PIAS1: variants seen among roughly 807,000 people sequenced by gnomAD.
The protein encoded by PIAS1 is protein inhibitor of activated STAT 1.
Under a neutral mutation model 71.3 loss-of-function variants are expected in PIAS1, and 6 were observed. The observed-to-expected ratio is 0.08, with a 90% confidence interval of 0.05 to 0.17. The LOEUF is 0.17. Among genes scored for constraint, PIAS1 ranks in the 10% least tolerant of loss-of-function variants. The probability of loss-of-function intolerance (pLI) is 1.00; values close to 1 mark genes in which losing one functional copy is unlikely to be tolerated. For missense variants in PIAS1, 555 were observed against 793.6 expected (o/e 0.70, Z 3.61); for synonymous variants, 303 against 292.9 (o/e 1.03, Z -0.35).
intron 2 of PIAS1, among the ~76,000 whole-genome samples, chr15:68,110,808 GA>G (rs2092517737): frequency 6.6e-6 from 1 of 152,186 alleles, no homozygotes; most frequent in Non-Finnish European, 1.5e-5. Context: ...GTTTAGTAGA[GA>G]GGGGTGTGAC....
intron 1 of PIAS1, among the ~76,000 whole-genome samples, chr15:68,070,521 C>A (rs1175593681): frequency 6.6e-6 from 1 of 152,086 alleles, no homozygotes; most frequent in Non-Finnish European, 1.5e-5. Context: ...GGTACTAAAA[C>A]TTTACTTCAG....
Position 68,181,327 on chromosome 15 carries a change from A to G in PIAS1, c.1597A>G (p.Met533Val), listed in dbSNP as rs2093052315. ...LIQDYRHPFH[M>V]TPMPYDLQGL... ...CCAAGACTATAGGCATCCTTTCCAC[A>G]TGACACCCATGCCTTACGACTTACA... Residue 533 changes from methionine to valine, a missense_variant, in exon 12 of 14, where the codon ATG (methionine) becomes GTG (valine). This residue lies in a region of PIAS1 where 244 missense variants were observed against 307.5 expected (regional missense o/e 0.79). Transcript: ENST00000249636. 3 of 1,613,546 alleles carry G rather than the reference A, an allele frequency of 1.9e-6. No individual in the cohort carries two copies. Among genetic ancestry groups the G allele is most frequent in the Non-Finnish European group, 2.5e-6 (3 of 1,179,684 alleles).
At chr15:68,140,109 T>G (rs928284106) in intron 2 of PIAS1, among the ~76,000 whole-genome samples, 9 of 152,158 alleles carry the variant, frequency 5.9e-5, no homozygotes, top group African/African-American at 2.2e-4. Flanking sequence ...TAAATGGAGA[T>G]GGAAGTGTAG....
chr15:68,060,571 C>T (rs1459742976), intron 1 of PIAS1, among the ~76,000 whole-genome samples: 1 of 152,050 alleles, frequency 6.6e-6, no homozygotes, highest in Non-Finnish European at 1.5e-5. Flanking sequence ...TGAGACCGTG[C>T]CACTGTACTC....
Position 68,186,064 on chromosome 15 carries a change from C to T in PIAS1, c.1663-1478C>T, listed in dbSNP as rs2093085608. Among the ~76,000 whole-genome samples the T allele has an allele frequency of 6.6e-6, 1 of 152,088 alleles. No individual in the cohort carries two copies. Among genetic ancestry groups the T allele is most frequent in the Admixed American group, 6.5e-5 (1 of 15,272 alleles). On this transcript the variant is annotated intron_variant, in intron 13 of 13. Transcript: ENST00000249636. The surrounding 1 kb of genome is among the most constrained non-coding windows in gnomAD (Gnocchi z 4.4). ...GTACATTATCTACTTACAAGCAAAC[C>T]TATGATAAAAAAGAAACCAAGCCAA...
In PIAS1 at chr15:68,181,316, A is replaced by C. The variant is rs1337884864; in HGVS notation, c.1586A>C (p.His529Pro). 1.2e-6 allele frequency: 2 copies of C among 1,613,864 alleles called. No homozygotes were observed. Among genetic ancestry groups the C allele is most frequent in the Non-Finnish European group, 1.7e-6 (2 of 1,179,764 alleles). Residue 529 changes from histidine (H) to proline (P), a missense_variant, in exon 12 of 14, where the codon CAT becomes CCT. Around this residue, in one of 5 missense-constraint regions of PIAS1, gnomAD observed 244 missense variants for 307.5 expected, o/e 0.79. Coordinates refer to ENST00000249636, the MANE Select transcript of PIAS1 (RefSeq NM_016166.3). ...INTSLIQDYR[H>P]PFHMTPMPYD... ...ACCTCCCTCATCCAAGACTATAGGC[A>C]TCCTTTCCACATGACACCCATGCCT...
At chr15:68,074,736 AC>A (rs2092139145) in intron 1 of PIAS1, among the ~76,000 whole-genome samples, 1 of 152,114 alleles carries the variant, frequency 6.6e-6, no homozygotes, top group South Asian at 2.1e-4. Flanking sequence ...GGACAATTAA[AC>A]TTTTTTTTTC....
chr15:68,056,000 G>T, intron 1 of PIAS1: 1 of 678,712 alleles, frequency 1.5e-6, no homozygotes, highest in South Asian at 1.6e-5. Flanking sequence ...GGATGGTTTT[G>T]ATTTTTCCCC....
chr15:68,060,109 C>A (rs148413215), intron 1 of PIAS1, among the ~76,000 whole-genome samples: 2 of 151,988 alleles, frequency 1.3e-5, no homozygotes, highest in African/African-American at 4.8e-5. Context: ...AGTATGAAAT[C>A]GATTATGAAG....
intron 2 of PIAS1, among the ~76,000 whole-genome samples, chr15:68,101,410 G>GT (rs2092425112): frequency 6.7e-6 from 1 of 148,532 alleles, no homozygotes; most frequent in Admixed American, 6.7e-5. Context: ...TGGGTTTGTG[G>GT]TTTGCAGATC....
chr15:68,093,135 A>G (rs1014694257), intron 2 of PIAS1, among the ~76,000 whole-genome samples: 6 of 152,196 alleles, frequency 3.9e-5, no homozygotes, highest in South Asian at 4.1e-4. Context: ...GCGAATGGGG[A>G]AAAATCTTTT....
intron 8 of PIAS1, among the ~76,000 whole-genome samples, chr15:68,166,713 C>T (rs557130074): frequency 2.6e-5 from 4 of 152,174 alleles, no homozygotes; most frequent in Non-Finnish European, 1.5e-5. Context: ...TAAATAAGCA[C>T]AGTAATATAA....
chr15:68,179,780 G>A (rs1332869085), intron 11 of PIAS1, among the ~76,000 whole-genome samples: 1 of 151,496 alleles, frequency 6.6e-6, no homozygotes, highest in Non-Finnish European at 1.5e-5. Flanking sequence ...GTTTCTCCCT[G>A]TTGGTGAGGC....
chr15:68,131,384 T>C (rs1318784900), intron 2 of PIAS1, among the ~76,000 whole-genome samples: 1 of 152,164 alleles, frequency 6.6e-6, no homozygotes, highest in African/African-American at 2.4e-5. Flanking sequence ...CACAACTATT[T>C]TACATTTTTT....
rs2092460763 is a variant in PIAS1, at chr15:68,105,433, T to C, written c.469+18683T>C. On this transcript the variant is annotated intron_variant, in intron 2 of 13. Transcript: ENST00000249636. ...ATTATATTTATGTACATGATTTTTT[T>C]CTCATATTTCTCACTTTCCCACCAT... 2.0e-5 allele frequency among the ~76,000 whole-genome samples: 3 copies of C among 152,236 alleles called. No homozygotes were observed. In the South Asian group the frequency reaches 6.2e-4, roughly 32 times the overall value.
At chr15:68,078,466 T>A (rs989822331) in intron 1 of PIAS1, among the ~76,000 whole-genome samples, 2 of 152,216 alleles carry the variant, frequency 1.3e-5, no homozygotes, top group South Asian at 4.1e-4. Flanking sequence ...ATTACATCTT[T>A]ACTGCCTCTA....
chr15:68,179,564 C>CTTTTTGTTTTTTTTTTTTT (rs2093040211), intron 11 of PIAS1, among the ~76,000 whole-genome samples: 2 of 40,094 alleles, frequency 5.0e-5, no homozygotes, highest in Non-Finnish European at 8.8e-5. Context: ...GTGAAATGTT[C>CTTTTTGTTTTTTTTTTTTT]TTTTTTTTTT....
chr15:68,180,188 C>T (rs370029097), intron 11 of PIAS1, among the ~76,000 whole-genome samples: 60 of 152,182 alleles, frequency 3.9e-4, no homozygotes, highest in Non-Finnish European at 7.1e-4. Context: ...GCAGCCTCGA[C>T]CCCCCAGGCT....
chr15:68,145,402 A>G (rs971867197), intron 4 of PIAS1, among the ~76,000 whole-genome samples: 2 of 152,192 alleles, frequency 1.3e-5, no homozygotes, highest in Non-Finnish European at 2.9e-5. Context: ...AGAGATTTAT[A>G]ATGCTTATTA....
Sources: gnomAD v4.1 joint callset for allele counts (sites outside exome capture counted in the v4.1 genomes callset) on GRCh38, gnomAD v4.1.1 for gene constraint, gnomAD v4.1.1 regional missense constraint, Gnocchi (gnomAD v3.1) non-coding constraint, MANE v1.5 for transcripts, NCBI Gene and HGNC (gene_info 2026-07-23, HGNC 2026-07-21) for gene names.